USH2A: variants seen among roughly 807,000 people sequenced by gnomAD.
USH2A encodes the protein Usher syndrome 2A (autosomal recessive, mild).
A neutral mutation model predicts 538.9 loss-of-function variants in USH2A; 443 were observed. The ratio of observed to expected loss-of-function variants is 0.82; its 90% CI spans 0.76 to 0.89. The LOEUF (loss-of-function observed/expected upper bound fraction) is 0.89, where lower values mean the gene tolerates loss of function less well. Ranked by LOEUF, USH2A falls within the 40% of genes least tolerant of loss-of-function variation. USH2A has a pLI of 0.00. For synonymous variants in USH2A, 2,413 were observed against 2,273.5 expected (o/e 1.06, Z -1.75); for missense variants, 6,633 against 6,324.8 (o/e 1.05, Z -1.65).
intron 70 of USH2A, among the ~76,000 whole-genome samples, chr1:215,630,478 GTGTGTATATATA>G (rs1348465236): frequency 2.8e-5 from 1 of 35,170 alleles, no homozygotes; most frequent in African/African-American, 7.8e-5. Flanking sequence ...GTGTATGTGT[GTGTGTATATATA>G]TATATATATA....
chr1:216,317,150 G>T (rs1403700810), intron 9 of USH2A, among the ~76,000 whole-genome samples: 1 of 152,158 alleles, frequency 6.6e-6, no homozygotes, highest in Non-Finnish European at 1.5e-5. Context: ...GTGGAAGACA[G>T]TGTGGAAATT....
intron 3 of USH2A, among the ~76,000 whole-genome samples, chr1:216,416,151 G>A (rs1440467945): frequency 1.3e-5 from 2 of 151,794 alleles, no homozygotes; most frequent in Non-Finnish European, 2.9e-5. Flanking sequence ...GGGCAACAAG[G>A]GAGAAACTCT....
At chr1:216,034,250 C>A (rs1307323861) in intron 32 of USH2A, among the ~76,000 whole-genome samples, 3 of 152,112 alleles carry the variant, frequency 2.0e-5, no homozygotes, top group African/African-American at 7.2e-5. Context: ...TGAGGTATCA[C>A]AGACACCAAG....
At chr1:216,334,665 G>A (rs78836030) in intron 4 of USH2A, among the ~76,000 whole-genome samples, 4 of 151,828 alleles carry the variant, frequency 2.6e-5, no homozygotes, top group African/African-American at 7.2e-5. Flanking sequence ...ATAACCAAAA[G>A]AGAGCTTGAG....
In USH2A at chr1:216,198,412, G is replaced by A; in HGVS notation, c.3984C>T (p.Gly1328=). 1 of 1,614,000 alleles carries A rather than the reference G, an allele frequency of 6.2e-7. No individual in the cohort carries two copies. Among genetic ancestry groups the A allele is most frequent in the Non-Finnish European group, 8.5e-7 (1 of 1,179,968 alleles). ...KPPQTMTTIT[G]LEPYTKYEFR... is the part of the protein sequence containing the mutation. ...ACTCATACTTGGTGTATGGCTCCAA[G>A]CCAGTGATGGTTGTCATTGTTTGAG... The change falls in exon 18 of 72, where the codon GGC becomes GGT. Residue 1328 remains glycine (G), a synonymous_variant. Coordinates refer to ENST00000307340, the MANE Select transcript of USH2A (RefSeq NM_206933.4).
chr1:215,864,846 C>G (rs1424680553), intron 44 of USH2A, among the ~76,000 whole-genome samples: 1 of 152,040 alleles, frequency 6.6e-6, no homozygotes, highest in Non-Finnish European at 1.5e-5. Flanking sequence ...ATAACTTATA[C>G]ATATCAATCT....
intron 49 of USH2A, among the ~76,000 whole-genome samples, chr1:215,804,613 T>C (rs1480009664): frequency 2.7e-5 from 4 of 148,386 alleles, no homozygotes; most frequent in Admixed American, 2.7e-4. Flanking sequence ...AGAATGGCGA[T>C]CATTAAAAAG....
intron 58 of USH2A, among the ~76,000 whole-genome samples, chr1:215,750,225 T>C (rs1660583353): frequency 6.6e-6 from 1 of 152,130 alleles, no homozygotes; most frequent in African/African-American, 2.4e-5. Flanking sequence ...GATTAGGCCT[T>C]TTTGGGGGAA....
rs371994774 is a variant in USH2A at position 216,250,677 on chromosome 1, A to G, written c.2167+226T>C. Reference sequence around the variant, plus strand: ...GGACCATGGGAATTAATGCATCTACAGAATAAAGAAACTTCTAAAGGGTTG... The same window carrying G: ...GGACCATGGGAATTAATGCATCTACGGAATAAAGAAACTTCTAAAGGGTTG... On this transcript the variant is annotated intron_variant, in intron 12 of 71. Coordinates refer to ENST00000307340, the MANE Select transcript of USH2A (RefSeq NM_206933.4). Among the ~76,000 whole-genome samples, 14 of 152,324 alleles carry G rather than the reference A, an allele frequency of 9.2e-5. 1 individual carries two copies. The highest frequency in any genetic ancestry group is 3.3e-4 in the Admixed American group (5 of 15,294).
chr1:216,239,658 A>G (rs975414365), intron 13 of USH2A, among the ~76,000 whole-genome samples: 2 of 152,264 alleles, frequency 1.3e-5, no homozygotes, highest in South Asian at 2.1e-4. Context: ...ATGGGATGTT[A>G]CTCAAGTTTG....
At chr1:215,874,591 G>A (rs1664710967) in intron 43 of USH2A, among the ~76,000 whole-genome samples, 1 of 152,096 alleles carries the variant, frequency 6.6e-6, no homozygotes. Context: ...AGCCAAAATA[G>A]ACCACTTGAA....
At chr1:215,979,670 G>T (rs1001447330) in intron 35 of USH2A, among the ~76,000 whole-genome samples, 3 of 152,006 alleles carry the variant, frequency 2.0e-5, no homozygotes, top group Admixed American at 2.0e-4. Context: ...TGTGGCAGAA[G>T]AAATATCTTT....
At chr1:216,250,755 T>G (rs973361201) in intron 12 of USH2A, 148 bp downstream of exon 12, 2 of 820,068 alleles carry the variant, frequency 2.4e-6, no homozygotes, top group African/African-American at 1.7e-5. Context: ...TTAATCATTT[T>G]AAACAGTTAA....
chr1:215,780,556 C>A (rs1294032691), intron 54 of USH2A, among the ~76,000 whole-genome samples: 1 of 152,074 alleles, frequency 6.6e-6, no homozygotes, highest in East Asian at 1.9e-4. Flanking sequence ...AGTGTCTGCA[C>A]CAACTTTCTA....
At position 216,100,179 on chromosome 1, in the gene USH2A, T is replaced by C. The variant is rs188617417; in HGVS notation, c.4628-2966A>G. Among the ~76,000 whole-genome samples the C allele has an allele frequency of 1.5e-4, 23 of 152,262 alleles. No individual in the cohort carries two copies. The East Asian group carries it at 4.4e-3, about 29-fold the overall frequency. On this transcript the variant is annotated intron_variant, in intron 21 of 71. Transcript: ENST00000307340. Reference sequence around the variant, plus strand: ...AAAACTTACGGAGCTGGTAATGACATAATCTTTTTCAGTTAAGTAGAATGG... The same window carrying C: ...AAAACTTACGGAGCTGGTAATGACACAATCTTTTTCAGTTAAGTAGAATGG...
In USH2A at chr1:216,331,609, T is replaced by C. The variant is rs187744821; in HGVS notation, c.785-3955A>G. Among the ~76,000 whole-genome samples, 792 of 152,246 alleles carry C rather than the reference T, an allele frequency of 5.2e-3. 5 individuals carry two copies. The highest frequency in any genetic ancestry group is 8.3e-3 in the Non-Finnish European group (567 of 67,998). On this transcript the variant is annotated intron_variant, in intron 4 of 71. Transcript: ENST00000307340. ...TAATTATCTACTCAGAAAATTTCCATGACTGTACATAAAAGCTATTAGAAA... is the reference window on the plus strand; with the variant it reads ...TAATTATCTACTCAGAAAATTTCCACGACTGTACATAAAAGCTATTAGAAA...
intron 15 of USH2A, 86 bp downstream of exon 15, chr1:216,217,301 G>A (rs2035361406): frequency 6.4e-7 from 1 of 1,554,114 alleles, no homozygotes; most frequent in South Asian, 1.2e-5. Context: ...TTTCTGATGG[G>A]TTCTAAATGG....
chr1:216,138,060 A>G (rs2033521201), intron 21 of USH2A, among the ~76,000 whole-genome samples: 1 of 151,434 alleles, frequency 6.6e-6, no homozygotes, highest in East Asian at 1.9e-4. Context: ...ATGTCCCAAA[A>G]CAATTTCTTA....
intron 11 of USH2A, among the ~76,000 whole-genome samples, chr1:216,255,342 C>A (rs1307104168): frequency 2.0e-5 from 3 of 152,168 alleles, no homozygotes; most frequent in African/African-American, 7.2e-5. Flanking sequence ...AAATCTTCAT[C>A]CTTTCCTAGC....
Sources: allele counts gnomAD v4.1 joint callset (sites outside exome capture counted in the v4.1 genomes callset), GRCh38; gene constraint gnomAD v4.1.1; transcripts MANE v1.5; gene names NCBI Gene and HGNC (gene_info 2026-07-23, HGNC 2026-07-21).